Variants in FRYL observed in about 807,000 individuals in gnomAD.
The protein encoded by FRYL is protein furry homolog-like.
FRYL carries 150 observed loss-of-function variants against 351.2 expected under a neutral mutation model. The observed-to-expected ratio is 0.43, with a 90% CI of 0.37 to 0.49. The LOEUF (loss-of-function observed/expected upper bound fraction) is 0.49, where lower values mean the gene tolerates loss of function less well. Ranked by LOEUF, FRYL falls within the 20% of genes least tolerant of loss-of-function variation. The pLI is 0.00. For missense variants in FRYL, 3,036 were observed against 3,619.3 expected, an observed-to-expected ratio of 0.84 and a Z score of 4.13; for synonymous variants, 1,153 against 1,257.1, an observed-to-expected ratio of 0.92 and a Z score of 1.75.
chr4:48,560,228 T>G (rs1257976108), intron 33 of FRYL, among the ~76,000 whole-genome samples: 1 of 152,128 alleles, frequency 6.6e-6, no homozygotes, highest in Admixed American at 6.5e-5. Context: ...AGTGGCAAAG[T>G]TTATGCTGAT....
intron 2 of FRYL, among the ~76,000 whole-genome samples, chr4:48,700,315 G>A (rs1425421686): frequency 6.6e-6 from 1 of 152,012 alleles, no homozygotes; most frequent in Non-Finnish European, 1.5e-5. Context: ...TAAGACACCG[G>A]GAGGGCAAAG....
chr4:48,762,624 G>C (rs1216449992), intron 1 of FRYL, among the ~76,000 whole-genome samples: 1 of 152,148 alleles, frequency 6.6e-6, no homozygotes, highest in East Asian at 1.9e-4. Flanking sequence ...AATCTTTCTT[G>C]TGTGCTGGGC....
intron 29 of FRYL, 103 bp from the exon 30 acceptor site, chr4:48,565,146 A>G (rs1736484133): frequency 3.5e-6 from 2 of 570,968 alleles, no homozygotes; most frequent in Non-Finnish European, 6.0e-6. Flanking sequence ...CAATACTTTA[A>G]TCTTTTTTCT....
At chr4:48,757,079 C>T (rs1773870553) in intron 1 of FRYL, among the ~76,000 whole-genome samples, 3 of 152,222 alleles carry the variant, frequency 2.0e-5, no homozygotes, top group Admixed American at 6.5e-5. Context: ...CAGCTCTGTG[C>T]ATATTCCAAG....
chr4:48,655,098 C>T (rs2149445497), intron 3 of FRYL, among the ~76,000 whole-genome samples: 1 of 152,260 alleles, frequency 6.6e-6, no homozygotes, highest in Non-Finnish European at 1.5e-5. Flanking sequence ...GCTAAAATAA[C>T]ATCCTTTCAC....
intron 3 of FRYL, among the ~76,000 whole-genome samples, chr4:48,680,083 T>G (rs1211763545): frequency 1.3e-5 from 2 of 152,022 alleles, no homozygotes; most frequent in African/African-American, 4.8e-5. Flanking sequence ...AGTCTCATTT[T>G]TTCAAATTCT....
intron 1 of FRYL, among the ~76,000 whole-genome samples, chr4:48,711,672 C>T (rs1174940237): frequency 6.6e-6 from 1 of 152,252 alleles, no homozygotes; most frequent in South Asian, 2.1e-4. Flanking sequence ...GTAACCTCTG[C>T]AGACTTAAAT....
intron 1 of FRYL, among the ~76,000 whole-genome samples, chr4:48,763,512 C>G (rs145715721): frequency 6.6e-6 from 1 of 152,204 alleles, no homozygotes; most frequent in East Asian, 1.9e-4. Flanking sequence ...GTTCCTAATA[C>G]TTAATCATTC....
In FRYL at chr4:48,548,746, C is replaced by T. The variant is rs775613992; in HGVS notation, c.4832G>A (p.Ser1611Asn). ...ILLTDLIIDHSVKVEWGSYLH... is the reference protein window; with the variant it reads ...ILLTDLIIDHNVKVEWGSYLH... ...GTAGCTTCCCCATTCCACCTTCACA[C>T]TATGATCAATGATGAGATCAGTCAA... is the stretch of plus-strand genomic sequence containing the variant. The change falls in exon 40 of 64, where the codon AGT becomes AAT. Residue 1611 changes from serine (S) to asparagine (N), a missense_variant. Physicochemically the swap from Ser to Asn is conservative, Grantham distance 46. This residue lies in a region of FRYL where 1,987 missense variants were observed against 2,311.7 expected (regional missense o/e 0.86). Transcript: ENST00000358350. 6.2e-7 allele frequency: 1 copy of T among 1,612,476 alleles called. No individual in the cohort carries two copies. Among genetic ancestry groups the T allele is most frequent in the South Asian group, 1.1e-5 (1 of 90,936 alleles).
intron 1 of FRYL, among the ~76,000 whole-genome samples, chr4:48,767,924 G>C (rs1181926251): frequency 2.0e-5 from 3 of 152,192 alleles, no homozygotes; most frequent in Admixed American, 6.5e-5. Flanking sequence ...AGCCCCAGCG[G>C]TGCCCTCAGA....
intron 1 of FRYL, among the ~76,000 whole-genome samples, chr4:48,737,259 G>GAAAAAA (rs368219531): frequency 3.1e-5 from 3 of 97,666 alleles, no homozygotes; most frequent in Non-Finnish European, 3.9e-5. Context: ...CTCCATCACA[G>GAAAAAA]AAAAAAAAAA....
chr4:48,733,668 T>C (rs1770983658), intron 1 of FRYL, among the ~76,000 whole-genome samples: 1 of 152,142 alleles, frequency 6.6e-6, no homozygotes, highest in Non-Finnish European at 1.5e-5. Context: ...TATATACATA[T>C]ATATGTGCAT....
chr4:48,706,136 C>T (rs1369259740), intron 2 of FRYL, among the ~76,000 whole-genome samples: 1 of 152,120 alleles, frequency 6.6e-6, no homozygotes, highest in Non-Finnish European at 1.5e-5. Context: ...CCTGGCCTCA[C>T]CTCCCTTTTA....
intron 1 of FRYL, among the ~76,000 whole-genome samples, chr4:48,759,974 C>G (rs986068848): frequency 1.3e-5 from 2 of 152,186 alleles, no homozygotes; most frequent in African/African-American, 4.8e-5. Flanking sequence ...AGCACAAGCA[C>G]TATGTTATGT....
At chr4:48,770,490 T>G (rs943838479) in intron 1 of FRYL, among the ~76,000 whole-genome samples, 2 of 152,146 alleles carry the variant, frequency 1.3e-5, no homozygotes, top group Non-Finnish European at 2.9e-5. Flanking sequence ...CAGTTTGGAG[T>G]GCAATGGTGC....
intron 24 of FRYL, 65 bp downstream of exon 24, chr4:48,575,965 T>C: frequency 7.5e-7 from 1 of 1,327,846 alleles, no homozygotes; most frequent in Non-Finnish European, 1.0e-6. Context: ...AAAGAAATTT[T>C]AAAATCTTAT....
chr4:48,563,222 A>G (rs1438621026), intron 31 of FRYL, among the ~76,000 whole-genome samples: 4 of 151,966 alleles, frequency 2.6e-5, no homozygotes, highest in Non-Finnish European at 5.9e-5. Context: ...TCCCTGGGCC[A>G]TATCAGAAGA....
intron 36 of FRYL, 49 bp from the exon 37 acceptor site, chr4:48,551,627 A>C: frequency 6.3e-6 from 7 of 1,116,306 alleles, no homozygotes; most frequent in Non-Finnish European, 8.1e-6. Flanking sequence ...ACCTGGAATA[A>C]CCCAATAAGA....
intron 25 of FRYL, among the ~76,000 whole-genome samples, chr4:48,574,871 C>T (rs1178897685): frequency 2.0e-5 from 3 of 152,074 alleles, no homozygotes; most frequent in Admixed American, 6.6e-5. Context: ...ATTTCTAGAA[C>T]ATATAGGTAA....
Sources: allele counts gnomAD v4.1 joint callset (sites outside exome capture counted in the v4.1 genomes callset), GRCh38; gene constraint gnomAD v4.1.1; regional missense constraint gnomAD v4.1.1; transcripts MANE v1.5; gene names NCBI Gene and HGNC (gene_info 2026-07-23, HGNC 2026-07-21).